Variants in HYCC2 observed in about 807,000 individuals in gnomAD.
HYCC2 encodes the protein hyccin PI4KA lipid kinase complex subunit 2, also known as hyccin 2.
the HYCC2 span, among the ~76,000 whole-genome samples, chr2:201,012,952 T>TACACACACACAC: frequency 3.4e-5 from 5 of 146,416 alleles, no homozygotes; most frequent in Non-Finnish European, 7.6e-5. Flanking sequence ...TTTCAAAAAA[T>TACACACACACAC]ACACACACAC....
the HYCC2 span, among the ~76,000 whole-genome samples, chr2:201,059,968 C>T: frequency 7.0e-6 from 1 of 143,052 alleles, no homozygotes; most frequent in South Asian, 2.2e-4. Flanking sequence ...CACTTGAACC[C>T]GGGAGGCGGA....
the HYCC2 span, chr2:201,022,210 T>C: frequency 1.7e-6 from 1 of 582,816 alleles, no homozygotes; most frequent in Non-Finnish European, 2.9e-6. Context: ...GTCATACTAC[T>C]GTGTTAATGG....
At chr2:200,987,949 G>A in the HYCC2 span, among the ~76,000 whole-genome samples, 8 of 152,034 alleles carry the variant, frequency 5.3e-5, no homozygotes, top group Non-Finnish European at 1.2e-4. Context: ...GCTCATATGT[G>A]CACCTTTTTT....
chr2:201,046,239 A>G, the HYCC2 span, among the ~76,000 whole-genome samples: 23 of 152,306 alleles, frequency 1.5e-4, 1 homozygote, highest in East Asian at 4.4e-3. Context: ...AACTATTTTC[A>G]TGTGTTTGCT....
chr2:200,984,180 C>T, the HYCC2 span, among the ~76,000 whole-genome samples: 2 of 152,142 alleles, frequency 1.3e-5, no homozygotes, highest in Non-Finnish European at 2.9e-5. Context: ...GCTGGGACTA[C>T]AGGCATCTGC....
At chr2:200,987,953 CT>C in the HYCC2 span, among the ~76,000 whole-genome samples, 6 of 151,048 alleles carry the variant, frequency 4.0e-5, no homozygotes, top group East Asian at 1.9e-4. Flanking sequence ...ATATGTGCAC[CT>C]TTTTTTTTCC....
chr2:200,981,167 A>AT, the HYCC2 span: 14 of 1,358,298 alleles, frequency 1.0e-5, no homozygotes, highest in East Asian at 2.8e-4. The surrounding 1 kb of genome is among the most constrained non-coding windows in gnomAD (Gnocchi z 4.5). Flanking sequence ...ATGAAATCTG[A>AT]TAACAGTGAC....
At chr2:201,041,019 G>C in the HYCC2 span, among the ~76,000 whole-genome samples, 2 of 152,142 alleles carry the variant, frequency 1.3e-5, no homozygotes, top group Admixed American at 1.3e-4. Flanking sequence ...CCTCTTACTA[G>C]CTATACTCAA....
the HYCC2 span, among the ~76,000 whole-genome samples, chr2:201,005,257 C>A: frequency 6.6e-6 from 1 of 152,086 alleles, no homozygotes; most frequent in Non-Finnish European, 1.5e-5. Context: ...CCAATTATCA[C>A]TGGAGAGATT....
the HYCC2 span, chr2:201,009,267 C>A: frequency 4.8e-6 from 2 of 418,488 alleles, no homozygotes. Flanking sequence ...TCTATAGCTT[C>A]TTTTGGAAAT....
the HYCC2 span, among the ~76,000 whole-genome samples, chr2:201,034,192 T>C: frequency 6.6e-6 from 1 of 152,174 alleles, no homozygotes; most frequent in East Asian, 1.9e-4. Flanking sequence ...AAAATACTAC[T>C]AGTTTTAAGA....
At chr2:201,050,368 T>TA in the HYCC2 span, among the ~76,000 whole-genome samples, 1 of 152,122 alleles carries the variant, frequency 6.6e-6, no homozygotes, top group Non-Finnish European at 1.5e-5. Context: ...AATGTATTAT[T>TA]AAAAATCTTT....
chr2:201,071,331 C>T, the HYCC2 span: 1 of 152,622 alleles, frequency 6.6e-6, no homozygotes, highest in African/African-American at 2.4e-5. Flanking sequence ...CCTCTCCTCC[C>T]TCTCTGCTGG....
At chr2:201,003,763 T>G in the HYCC2 span, among the ~76,000 whole-genome samples, 1 of 150,186 alleles carries the variant, frequency 6.7e-6, no homozygotes, top group Non-Finnish European at 1.5e-5. Flanking sequence ...CTGAATTGCA[T>G]GCAGTTTGCC....
chr2:201,007,250 A>G, the HYCC2 span, among the ~76,000 whole-genome samples: 3 of 152,278 alleles, frequency 2.0e-5, no homozygotes, highest in African/African-American at 7.2e-5. Context: ...TAAATCGAAA[A>G]TATCATAAGT....
the HYCC2 span, among the ~76,000 whole-genome samples, chr2:201,055,088 A>T: frequency 1.3e-5 from 2 of 152,212 alleles, no homozygotes; most frequent in African/African-American, 4.8e-5. Context: ...AACCTCTAAA[A>T]GTATTCCTTA....
chr2:200,995,005 CAAA>C, the HYCC2 span, among the ~76,000 whole-genome samples: 5 of 92,418 alleles, frequency 5.4e-5, no homozygotes, highest in African/African-American at 8.0e-5. Flanking sequence ...AAGACTCTCT[CAAA>C]AAAAAAAAAA....
chr2:201,011,916 G>A, the HYCC2 span, among the ~76,000 whole-genome samples: 1 of 152,130 alleles, frequency 6.6e-6, no homozygotes, highest in African/African-American at 2.4e-5. Flanking sequence ...ATTTAATACA[G>A]AATGAATTTT....
At chr2:201,067,790 A>G in the HYCC2 span, among the ~76,000 whole-genome samples, 1 of 152,242 alleles carries the variant, frequency 6.6e-6, no homozygotes, top group African/African-American at 2.4e-5. Context: ...TTTTAGTTTA[A>G]TTCTAGAACT....
Sources: gnomAD v4.1 joint callset for allele counts (sites outside exome capture counted in the v4.1 genomes callset) on GRCh38, gnomAD v4.1.1 for gene constraint, Gnocchi (gnomAD v3.1) non-coding constraint, MANE v1.5 for transcripts, NCBI Gene and HGNC (gene_info 2026-07-23, HGNC 2026-07-21) for gene names.